The following NEGR1 variants were observed in gnomAD, a reference collection of about 807,000 sequenced individuals.
NEGR1 encodes IgLON family member 4.
A neutral mutation model predicts 40.9 loss-of-function variants in NEGR1; 10 were observed. The observed-to-expected ratio is 0.24, with a 90% confidence interval of 0.15 to 0.42. The LOEUF (loss-of-function observed/expected upper bound fraction) is 0.42. Ranked by LOEUF, NEGR1 falls within the 10% of genes least tolerant of loss-of-function variation. The pLI, the probability that NEGR1 is intolerant of heterozygous loss-of-function variation, is 1.00. For missense variants in NEGR1, 352 were observed against 438.9 expected (o/e 0.80, Z 1.77); for synonymous variants, 185 against 166.8 (o/e 1.11, Z -0.84).
At chr1:71,898,547 A>G (rs1051016470) in intron 2 of NEGR1, among the ~76,000 whole-genome samples, 10 of 152,132 alleles carry the variant, frequency 6.6e-5, no homozygotes, top group Admixed American at 3.3e-4. Flanking sequence ...CCCGGGAGCC[A>G]GAGCTTGCAG....
chr1:71,974,873 A>G lies in NEGR1; in HGVS notation c.177-39562T>C, dbSNP rs1646288266. On this transcript the variant is annotated intron_variant, in intron 1 of 6. Coordinates refer to ENST00000357731, the MANE Select transcript of NEGR1 (RefSeq NM_173808.3). ...TATTCAGTTTCCCACTGAAATTAATAGAAGCTTTAACTAACTCGAGAATAG... is the reference window on the plus strand; with the variant it reads ...TATTCAGTTTCCCACTGAAATTAATGGAAGCTTTAACTAACTCGAGAATAG... Among the ~76,000 whole-genome samples, 5 of 152,184 alleles carry G rather than the reference A, an allele frequency of 3.3e-5. No homozygotes were observed. In the South Asian group the frequency reaches 1.0e-3, roughly 31 times the overall value.
intron 1 of NEGR1, among the ~76,000 whole-genome samples, chr1:72,236,078 A>G (rs1654535479): frequency 6.6e-6 from 1 of 152,138 alleles, no homozygotes; most frequent in South Asian, 2.1e-4. Context: ...TGTGGCACAT[A>G]TACACCATGG....
At position 71,614,673 on chromosome 1, in the gene NEGR1, T is replaced by C. The variant is rs564834638; in HGVS notation, c.668-3527A>G. Among the ~76,000 whole-genome samples, 7 of 152,326 alleles carry C rather than the reference T, an allele frequency of 4.6e-5. No homozygotes were observed. In the East Asian group the frequency reaches 1.3e-3, roughly 29 times the overall value. ...TCACAAGCTTCTACTGATAACCTGGTTAGTTTAATTACTCTCTTGTTTGTC... is the reference window on the plus strand; with the variant it reads ...TCACAAGCTTCTACTGATAACCTGGCTAGTTTAATTACTCTCTTGTTTGTC... On this transcript the variant is annotated intron_variant, in intron 4 of 6. Coordinates refer to ENST00000357731, the MANE Select transcript of NEGR1 (RefSeq NM_173808.3).
chr1:72,181,283 G>A (rs565958414), intron 1 of NEGR1, among the ~76,000 whole-genome samples: 2 of 152,254 alleles, frequency 1.3e-5, no homozygotes, highest in South Asian at 4.1e-4. Flanking sequence ...ACAAGATAAG[G>A]TTGGGCAGAA....
At position 72,067,028 on chromosome 1, in the gene NEGR1, T is replaced by A. The variant is rs150428383; in HGVS notation, c.177-131717A>T. ...AAGTTCCTAGTATGATCCATCTGCA[T>A]AAATGTACCTTACATTTATTTCATG... is the stretch of plus-strand genomic sequence containing the variant. On this transcript the variant is annotated intron_variant, in intron 1 of 6. Transcript: ENST00000357731. Among the ~76,000 whole-genome samples the A allele has an allele frequency of 1.4e-3, 212 of 152,278 alleles. 1 individual carries two copies. Among genetic ancestry groups the A allele is most frequent in the African/African-American group, 5.0e-3 (206 of 41,570 alleles).
chr1:71,948,782 C>T (rs11812000), intron 1 of NEGR1, among the ~76,000 whole-genome samples: 5,542 of 151,998 alleles, frequency 0.036, 338 homozygotes, highest in African/African-American at 0.13. Context: ...ATGCGAGTAC[C>T]TCTAAGGGAT....
At chr1:71,717,078 T>C (rs1370291272) in intron 3 of NEGR1, among the ~76,000 whole-genome samples, 1 of 152,234 alleles carries the variant, frequency 6.6e-6, no homozygotes, top group African/African-American at 2.4e-5. Flanking sequence ...CCAGGTTGAA[T>C]TCATTACTAG....
At chr1:71,878,545 CTATT>C (rs1304121041) in intron 2 of NEGR1, among the ~76,000 whole-genome samples, 1 of 152,144 alleles carries the variant, frequency 6.6e-6, no homozygotes, top group African/African-American at 2.4e-5. Context: ...CTTTGAAAAA[CTATT>C]TTTCATCATA....
intron 2 of NEGR1, among the ~76,000 whole-genome samples, chr1:71,820,428 C>T (rs1658385943): frequency 6.6e-6 from 1 of 151,988 alleles, no homozygotes; most frequent in African/African-American, 2.4e-5. Context: ...TCCAGTCCTT[C>T]CCTACAGGGA....
intron 2 of NEGR1, among the ~76,000 whole-genome samples, chr1:71,900,653 T>G (rs1382855820): frequency 6.6e-6 from 1 of 152,160 alleles, no homozygotes; most frequent in Admixed American, 6.5e-5. Flanking sequence ...GAAAATAATG[T>G]TTGCATGTTT....
intron 3 of NEGR1, among the ~76,000 whole-genome samples, chr1:71,775,168 T>A (rs1242702189): frequency 2.0e-5 from 3 of 152,220 alleles, no homozygotes; most frequent in Non-Finnish European, 4.4e-5. Context: ...AACGTGTGAA[T>A]GCTGATCAAA....
At chr1:72,221,315 A>C (rs1557585101) in intron 1 of NEGR1, among the ~76,000 whole-genome samples, 1 of 152,146 alleles carries the variant, frequency 6.6e-6, no homozygotes, top group Non-Finnish European at 1.5e-5. Context: ...TCCTATTTCC[A>C]AATGAGGTCC....
chr1:71,743,654 T>G (rs1039181423), intron 3 of NEGR1, among the ~76,000 whole-genome samples: 6 of 152,186 alleles, frequency 3.9e-5, no homozygotes, highest in Non-Finnish European at 8.8e-5. Flanking sequence ...CTAATAACCT[T>G]CAGCAGCATC....
In NEGR1 at chr1:71,763,363, G is replaced by A. The variant is rs147750825; in HGVS notation, c.535+12809C>T. ...GGTCTCAAGGGACAGGGGACTCCTT[G>A]TGACTAGAGAAGATCTGTTCATCTT... On this transcript the variant is annotated intron_variant, in intron 3 of 6. Coordinates refer to ENST00000357731, the MANE Select transcript of NEGR1 (RefSeq NM_173808.3). Among the ~76,000 whole-genome samples the A allele has an allele frequency of 4.7e-3, 712 of 152,230 alleles. 6 individuals are homozygous for A. Among genetic ancestry groups the A allele is most frequent in the African/African-American group, 0.016 (681 of 41,528 alleles).
chr1:71,948,834 A>G (rs1646044144), intron 1 of NEGR1, among the ~76,000 whole-genome samples: 2 of 152,018 alleles, frequency 1.3e-5, no homozygotes, highest in South Asian at 4.1e-4. Flanking sequence ...AATTTCAACC[A>G]TGACTTTCTG....
intron 2 of NEGR1, among the ~76,000 whole-genome samples, chr1:71,839,344 C>T (rs1314563177): frequency 6.6e-6 from 1 of 151,406 alleles, no homozygotes; most frequent in Non-Finnish European, 1.5e-5. Flanking sequence ...GCTGGGATTA[C>T]AGGGGTGAGC....
chr1:71,947,727 G>A (rs1443153826), intron 1 of NEGR1, among the ~76,000 whole-genome samples: 2 of 151,796 alleles, frequency 1.3e-5, no homozygotes, highest in Non-Finnish European at 2.9e-5. Flanking sequence ...CAGGAAGTAG[G>A]AACCAGAACC....
At chr1:72,070,120 A>G (rs1647401212) in intron 1 of NEGR1, among the ~76,000 whole-genome samples, 1 of 152,072 alleles carries the variant, frequency 6.6e-6, no homozygotes, top group Non-Finnish European at 1.5e-5. Context: ...GAAAATAAAA[A>G]TGTATTTAAT....
chr1:71,399,343 G>A lies in NEGR1; in HGVS notation c.*8103C>T, dbSNP rs1646231718. The A allele has an allele frequency of 6.6e-6, 1 of 150,950 alleles. No homozygotes were observed. Among genetic ancestry groups the A allele is most frequent in the Non-Finnish European group, 1.5e-5 (1 of 67,838 alleles). The allele number at this position is 150,950 out of a possible 1,614,324, so 9.4% of individuals were successfully genotyped here. On this transcript the variant is annotated 3_prime_UTR_variant, in exon 7 of 7. Coordinates refer to ENST00000357731, the MANE Select transcript of NEGR1 (RefSeq NM_173808.3). The stretch of plus-strand genomic sequence containing the variant: ...TTATTAGACAGTAACACATTTCAAA[G>A]CATAATTTAGTTGTTTATCAACAAG...
Sources: allele counts gnomAD v4.1 joint callset (sites outside exome capture counted in the v4.1 genomes callset), GRCh38; gene constraint gnomAD v4.1.1; transcripts MANE v1.5; gene names NCBI Gene and HGNC (gene_info 2026-07-23, HGNC 2026-07-21).